Variants in GPR63 observed in about 807,000 individuals in gnomAD.
The protein encoded by GPR63 is probable G protein-coupled receptor 63.
Under a neutral mutation model 23.1 loss-of-function variants are expected in GPR63, and 12 were observed. The ratio of observed to expected loss-of-function variants is 0.52; its 90% CI spans 0.33 to 0.84. The LOEUF (loss-of-function observed/expected upper bound fraction) is 0.84. Among genes scored for constraint, GPR63 ranks in the 40% least tolerant of loss-of-function variants. The pLI is 0.02. For synonymous variants in GPR63, 172 were observed against 191.1 expected (o/e 0.90, Z 0.82); for missense variants, 472 against 515.6 (o/e 0.92, Z 0.82).
intron 1 of GPR63, among the ~76,000 whole-genome samples, chr6:96,813,089 CAT>C (rs1774082902): frequency 6.6e-6 from 1 of 152,110 alleles, no homozygotes; most frequent in African/African-American, 2.4e-5. Flanking sequence ...ATGAATAAGA[CAT>C]GTGGTACTTG....
At chr6:96,811,958 G>A (rs956195954) in intron 1 of GPR63, among the ~76,000 whole-genome samples, 2 of 151,854 alleles carry the variant, frequency 1.3e-5, no homozygotes, top group Non-Finnish European at 2.9e-5. Context: ...TATAAATTTA[G>A]ATCATTATAA....
At chr6:96,822,955 A>T (rs1414873059) in intron 1 of GPR63, among the ~76,000 whole-genome samples, 1 of 152,214 alleles carries the variant, frequency 6.6e-6, no homozygotes, top group African/African-American at 2.4e-5. Flanking sequence ...CTTTCATAAG[A>T]TTATAATGGA....
In GPR63 at chr6:96,797,349, T is replaced by C. The variant is rs1773616294; in HGVS notation, c.*1123A>G. On this transcript the variant is annotated 3_prime_UTR_variant, in exon 2 of 2. Coordinates refer to ENST00000229955, the MANE Select transcript of GPR63 (RefSeq NM_030784.4). The stretch of plus-strand genomic sequence containing the variant: ...AGGCTAATTTTTAAAAAGAATATCA[T>C]AGTCTAAAAAATTAAAGGATGCATA... 1 of 152,228 alleles carries C rather than the reference T, an allele frequency of 6.6e-6. No homozygotes were observed. Among genetic ancestry groups the C allele is most frequent in the Non-Finnish European group, 1.5e-5 (1 of 68,042 alleles). The allele number at this position is 152,228 out of a possible 1,614,324, so 9.4% of individuals were successfully genotyped here.
chr6:96,794,302 G>C lies in GPR63; in HGVS notation c.*4170C>G, dbSNP rs948939982. 2 of 151,870 alleles carry C rather than the reference G, an allele frequency of 1.3e-5. No individual in the cohort carries two copies. The highest frequency in any genetic ancestry group is 4.8e-5 in the African/African-American group (2 of 41,364). 9.4% of individuals were successfully genotyped at this position (151,870 alleles called of 1,614,324 possible). A position where few individuals can be genotyped will look rare whatever the true frequency, so the allele number is the denominator to read the frequency against. ...AAATAAATTAATTTTAATTACAAAG[G>C]TCTAGTACCAATAGATATCTAAGAA... is the stretch of plus-strand genomic sequence containing the variant. On this transcript the variant is annotated 3_prime_UTR_variant, in exon 2 of 2. Coordinates refer to ENST00000229955, the MANE Select transcript of GPR63 (RefSeq NM_030784.4).
At chr6:96,836,567 TG>T (rs1774733702) in intron 1 of GPR63, among the ~76,000 whole-genome samples, 1 of 151,580 alleles carries the variant, frequency 6.6e-6, no homozygotes, top group African/African-American at 2.4e-5. Context: ...GGGCAAGCCC[TG>T]GGGGAAATTT....
At chr6:96,812,315 AAAG>A (rs1218351971) in intron 1 of GPR63, among the ~76,000 whole-genome samples, 3 of 152,176 alleles carry the variant, frequency 2.0e-5, no homozygotes, top group African/African-American at 4.8e-5. Flanking sequence ...TCACCACAAA[AAAG>A]AAGAATTTTC....
Position 96,798,362 on chromosome 6 carries a change from C to T in GPR63, c.*110G>A. On this transcript the variant is annotated 3_prime_UTR_variant, in exon 2 of 2. Coordinates refer to ENST00000229955, the MANE Select transcript of GPR63 (RefSeq NM_030784.4). ...ATTCTTTCTTTACACTGCTCACACA[C>T]ATACATACACAAACCCTATAAAAAA... is the stretch of plus-strand genomic sequence containing the variant. 1 of 1,048,742 alleles carries T rather than the reference C, an allele frequency of 9.5e-7. No individual in the cohort carries two copies. The highest frequency in any genetic ancestry group is 1.4e-6 in the Non-Finnish European group (1 of 722,552). The allele number at this position is 1,048,742 out of a possible 1,614,324, so 65.0% of individuals were successfully genotyped here.
chr6:96,827,046 T>A (rs1291449677), intron 1 of GPR63, among the ~76,000 whole-genome samples: 85 of 122,420 alleles, frequency 6.9e-4, no homozygotes, highest in Admixed American at 8.8e-4. Flanking sequence ...GAACACAGTC[T>A]AAAAAAAAAA....
intron 1 of GPR63, among the ~76,000 whole-genome samples, chr6:96,807,574 A>G (rs1562117104): frequency 6.6e-6 from 1 of 152,180 alleles, no homozygotes; most frequent in African/African-American, 2.4e-5. Flanking sequence ...TTCACACAAT[A>G]TCCTACACAT....
intron 1 of GPR63, among the ~76,000 whole-genome samples, chr6:96,810,884 A>C (rs754673389): frequency 6.6e-6 from 1 of 152,198 alleles, no homozygotes; most frequent in Non-Finnish European, 1.5e-5. Context: ...GTACTATTCT[A>C]TCACACTTTT....
Position 96,794,669 on chromosome 6 carries a change from C to T in GPR63, c.*3803G>A, listed in dbSNP as rs1014896485. The T allele has an allele frequency of 6.6e-6, 1 of 152,024 alleles. No homozygotes were observed. Among genetic ancestry groups the T allele is most frequent in the African/African-American group, 2.4e-5 (1 of 41,388 alleles). 9.4% of individuals were successfully genotyped at this position (152,024 alleles called of 1,614,324 possible). A position where few individuals can be genotyped will look rare whatever the true frequency, so the allele number is the denominator to read the frequency against. ...CTTGCATTGAACACAACTGGCAGAG[C>T]AATAGGAATTAGATAAATCTTTACA... is the stretch of plus-strand genomic sequence containing the variant. On this transcript the variant is annotated 3_prime_UTR_variant, in exon 2 of 2. Coordinates refer to ENST00000229955, the MANE Select transcript of GPR63 (RefSeq NM_030784.4).
chr6:96,803,581 A>G (rs1319163424), intron 1 of GPR63, among the ~76,000 whole-genome samples: 1 of 152,202 alleles, frequency 6.6e-6, no homozygotes, highest in African/African-American at 2.4e-5. Context: ...CTCCTGGCTC[A>G]TTGGAATGTA....
rs187640598 is a variant in GPR63, at chr6:96,819,734, A to C, written c.-151+17534T>G. ...ACCCAACTAAATTGCCAAAAAAAAA[A>C]CAAAAAAACAAAAAAAAACGGGTAG... On this transcript the variant is annotated intron_variant, in intron 1 of 1. Coordinates refer to ENST00000229955, the MANE Select transcript of GPR63 (RefSeq NM_030784.4). Among the ~76,000 whole-genome samples, 226 of 151,340 alleles carry C rather than the reference A, an allele frequency of 1.5e-3. 1 individual carries two copies. Among genetic ancestry groups the C allele is most frequent in the African/African-American group, 5.1e-3 (209 of 41,094 alleles).
At chr6:96,835,405 TATAC>T (rs2127964134) in intron 1 of GPR63, among the ~76,000 whole-genome samples, 1 of 152,250 alleles carries the variant, frequency 6.6e-6, no homozygotes, top group African/African-American at 2.4e-5. Flanking sequence ...GATATGGATA[TATAC>T]ATATACAAAT....
chr6:96,837,429 G>T lies in GPR63; in HGVS notation c.-312C>A. On this transcript the variant is annotated 5_prime_UTR_variant, in exon 1 of 2. Coordinates refer to ENST00000229955, the MANE Select transcript of GPR63 (RefSeq NM_030784.4). ...AGGAGGACAACGAAGAGGAGGTGGT[G>T]GCGGCGGCGGCGATACAGGCGGCGG... The T allele has an allele frequency of 6.5e-6, 1 of 154,100 alleles. No individual in the cohort carries two copies. Among genetic ancestry groups the T allele is most frequent in the South Asian group, 1.8e-4 (1 of 5,442 alleles). 9.5% of individuals were successfully genotyped at this position (154,100 alleles called of 1,614,324 possible).
At chr6:96,802,059 T>TA (rs1299384704) in intron 1 of GPR63, among the ~76,000 whole-genome samples, 1 of 152,210 alleles carries the variant, frequency 6.6e-6, no homozygotes, top group Non-Finnish European at 1.5e-5. Flanking sequence ...ATGTGTATCT[T>TA]AAGCCTAATG....
chr6:96,821,852 T>C (rs758498441), intron 1 of GPR63, among the ~76,000 whole-genome samples: 1 of 152,156 alleles, frequency 6.6e-6, no homozygotes, highest in Non-Finnish European at 1.5e-5. Flanking sequence ...GGTTCAAGCA[T>C]AATCTCTTGG....
At chr6:96,836,254 G>A (rs557904563) in intron 1 of GPR63, among the ~76,000 whole-genome samples, 5 of 152,124 alleles carry the variant, frequency 3.3e-5, no homozygotes, top group Non-Finnish European at 5.9e-5. Flanking sequence ...AATGAAACAC[G>A]TATTACATAC....
chr6:96,825,342 A>AG (rs1774413935), intron 1 of GPR63, among the ~76,000 whole-genome samples: 1 of 152,122 alleles, frequency 6.6e-6, no homozygotes, highest in African/African-American at 2.4e-5. Flanking sequence ...ACTTGAACAT[A>AG]GGGTCTGGGA....
Sources: gnomAD v4.1 joint callset for allele counts (sites outside exome capture counted in the v4.1 genomes callset) on GRCh38, gnomAD v4.1.1 for gene constraint, MANE v1.5 for transcripts, NCBI Gene and HGNC (gene_info 2026-07-23, HGNC 2026-07-21) for gene names.